The following SAMD5 variants were observed in gnomAD, a reference collection of about 807,000 sequenced individuals.
SAMD5 encodes the protein sterile alpha motif domain-containing protein 5.
A neutral mutation model predicts 11.3 loss-of-function variants in SAMD5; 13 were observed. That is an observed-to-expected ratio of 1.15 (90% CI 0.75 to 1.83). SAMD5 has a LOEUF of 1.83. Ranked by LOEUF, SAMD5 falls within the 40% of genes most tolerant of loss-of-function variation. The probability of loss-of-function intolerance (pLI) is 0.00; values close to 1 mark genes in which losing one functional copy is unlikely to be tolerated. For synonymous variants in SAMD5, 129 were observed against 111.3 expected, an observed-to-expected ratio of 1.16 and a Z score of -1.00; for missense variants, 255 against 239.1, an observed-to-expected ratio of 1.07 and a Z score of -0.44.
chr6:147,855,282 G>T, the SAMD5 span, among the ~76,000 whole-genome samples: 18 of 152,192 alleles, frequency 1.2e-4, no homozygotes, highest in African/African-American at 3.9e-4. Context: ...ACCATATCAA[G>T]AATTTTAGTT....
chr6:147,559,793 A>G (rs75818867), intron 1 of SAMD5, among the ~76,000 whole-genome samples: 1 of 152,362 alleles, frequency 6.6e-6, no homozygotes, highest in African/African-American at 2.4e-5. Flanking sequence ...GTACCCTAGA[A>G]AACTCTTTAA....
At chr6:147,821,720 A>G in the SAMD5 span, among the ~76,000 whole-genome samples, 2 of 152,184 alleles carry the variant, frequency 1.3e-5, no homozygotes, top group African/African-American at 4.8e-5. Context: ...CCTGCAGTAT[A>G]CTTGTTAGTG....
At chr6:147,714,831 A>T (rs1263236832) in intron 1 of SAMD5, among the ~76,000 whole-genome samples, 1 of 152,164 alleles carries the variant, frequency 6.6e-6, no homozygotes, top group Non-Finnish European at 1.5e-5. Flanking sequence ...ACTTTGAGTA[A>T]CGCAATCTGT....
intron 1 of SAMD5, among the ~76,000 whole-genome samples, chr6:147,618,408 G>A (rs1384220761): frequency 2.6e-5 from 4 of 152,158 alleles, no homozygotes; most frequent in African/African-American, 2.4e-5. Context: ...ACATGAGGGG[G>A]AGCAGATTCC....
At chr6:147,617,210 G>T (rs1267527791) in intron 1 of SAMD5, among the ~76,000 whole-genome samples, 1 of 152,064 alleles carries the variant, frequency 6.6e-6, no homozygotes, top group African/African-American at 2.4e-5. Flanking sequence ...GAGATTTGCA[G>T]AATTACACTA....
the SAMD5 span, among the ~76,000 whole-genome samples, chr6:147,803,672 C>T: frequency 2.6e-5 from 4 of 152,178 alleles, no homozygotes; most frequent in African/African-American, 9.7e-5. Flanking sequence ...AGCATGTAGA[C>T]AAGACATTTG....
chr6:147,520,946 A>G (rs545073880), intron 1 of SAMD5, among the ~76,000 whole-genome samples: 2 of 152,122 alleles, frequency 1.3e-5, no homozygotes, highest in African/African-American at 2.4e-5. Flanking sequence ...CATGCTGTAT[A>G]ATAGATCCCA....
chr6:147,866,688 A>G, the SAMD5 span, among the ~76,000 whole-genome samples: 1 of 152,116 alleles, frequency 6.6e-6, no homozygotes, highest in Non-Finnish European at 1.5e-5. Flanking sequence ...CAATTTCACT[A>G]CCCTCTTCCT....
At chr6:147,837,305 C>A in the SAMD5 span, among the ~76,000 whole-genome samples, 2 of 152,174 alleles carry the variant, frequency 1.3e-5, no homozygotes, top group Non-Finnish European at 2.9e-5. Context: ...ATTGGGCACA[C>A]TCTAGTCCAA....
intron 1 of SAMD5, among the ~76,000 whole-genome samples, chr6:147,596,374 A>G (rs906594956): frequency 2.0e-5 from 3 of 152,226 alleles, no homozygotes; most frequent in African/African-American, 7.2e-5. Flanking sequence ...TGATTTTTAA[A>G]CATTGATTTA....
intron 1 of SAMD5, among the ~76,000 whole-genome samples, chr6:147,530,697 A>G (rs1472040422): frequency 6.6e-6 from 1 of 152,210 alleles, no homozygotes; most frequent in African/African-American, 2.4e-5. Context: ...GCTAAGAATC[A>G]CCGACTGAAA....
intron 1 of SAMD5, among the ~76,000 whole-genome samples, chr6:147,598,151 G>T (rs527896596): frequency 3.3e-5 from 5 of 151,348 alleles, no homozygotes; most frequent in Non-Finnish European, 5.9e-5. Flanking sequence ...TTGAGGCAAG[G>T]TCTGGCTCTG....
At chr6:147,778,497 T>C in the SAMD5 span, among the ~76,000 whole-genome samples, 28,141 of 151,996 alleles carry the variant, frequency 0.19, 3,407 homozygotes, top group African/African-American at 0.35. Context: ...CAGACTGCAC[T>C]TATCTGTCAA....
chr6:147,843,299 T>A, the SAMD5 span, among the ~76,000 whole-genome samples: 1 of 152,240 alleles, frequency 6.6e-6, no homozygotes, highest in African/African-American at 2.4e-5. Context: ...AAGTGAAAGA[T>A]CTGTATACTA....
the SAMD5 span, among the ~76,000 whole-genome samples, chr6:147,867,903 G>A: frequency 6.6e-6 from 1 of 152,090 alleles, no homozygotes; most frequent in Admixed American, 6.6e-5. Context: ...TATTCCCTCT[G>A]GGGTGTTCTC....
the SAMD5 span, among the ~76,000 whole-genome samples, chr6:147,919,237 C>T: frequency 6.6e-6 from 1 of 152,170 alleles, no homozygotes; most frequent in African/African-American, 2.4e-5. Context: ...GTGAGCCAAG[C>T]CTCTGCCCCA....
intron 1 of SAMD5, among the ~76,000 whole-genome samples, chr6:147,594,793 C>T (rs1270433232): frequency 6.6e-6 from 1 of 152,148 alleles, no homozygotes; most frequent in East Asian, 1.9e-4. Flanking sequence ...TGGGGTCCAA[C>T]CTGATGGTCT....
the SAMD5 span, among the ~76,000 whole-genome samples, chr6:147,747,988 C>T: frequency 6.6e-6 from 1 of 152,118 alleles, no homozygotes; most frequent in African/African-American, 2.4e-5. Flanking sequence ...ACAATTCTGG[C>T]CCTTCTGACT....
chr6:147,726,703 C>CCTAA (rs1339523145), intron 1 of SAMD5, among the ~76,000 whole-genome samples: 1 of 152,192 alleles, frequency 6.6e-6, no homozygotes, highest in Non-Finnish European at 1.5e-5. Flanking sequence ...TGGTGCATGA[C>CCTAA]CTAACCTCTC....
Sources: allele counts gnomAD v4.1 joint callset (sites outside exome capture counted in the v4.1 genomes callset), GRCh38; gene constraint gnomAD v4.1.1; transcripts MANE v1.5; gene names NCBI Gene and HGNC (gene_info 2026-07-23, HGNC 2026-07-21).